WDR47: variants seen among roughly 807,000 people sequenced by gnomAD.
WDR47 encodes the protein WD repeat domain 47, also known as WD repeat-containing protein 47.
Under a neutral mutation model 97.2 loss-of-function variants are expected in WDR47, and 32 were observed. The ratio of observed to expected loss-of-function variants is 0.33; its 90% CI spans 0.25 to 0.44. The LOEUF is 0.44. Among genes scored for constraint, WDR47 ranks in the 20% least tolerant of loss-of-function variants. The probability of loss-of-function intolerance (pLI) is 1.00; values close to 1 mark genes in which losing one functional copy is unlikely to be tolerated. For missense variants in WDR47, 782 were observed against 1,102.3 expected (o/e 0.71, Z 4.11); for synonymous variants, 375 against 373.5 (o/e 1.00, Z -0.05).
chr1:108,986,985 A>G, intron 9 of WDR47: 1 of 236,364 alleles, frequency 4.2e-6, no homozygotes, highest in Admixed American at 4.8e-5. Context: ...TTACTCTGGG[A>G]CACCAGGTAA....
chr1:108,974,854 G>T, intron 13 of WDR47, 100 bp from the exon 14 acceptor site: 1 of 900,328 alleles, frequency 1.1e-6, no homozygotes, highest in Non-Finnish European at 1.7e-6. Flanking sequence ...AAGATTTAAT[G>T]TAGTTTATCA....
intron 7 of WDR47, among the ~76,000 whole-genome samples, chr1:109,000,041 C>A (rs966962534): frequency 6.6e-6 from 1 of 152,130 alleles, no homozygotes; most frequent in Non-Finnish European, 1.5e-5. Context: ...CTTGAGACCA[C>A]CAGTTTAAAC....
At chr1:108,993,184 G>C (rs1407189940) in intron 8 of WDR47, among the ~76,000 whole-genome samples, 1 of 152,094 alleles carries the variant, frequency 6.6e-6, no homozygotes, top group Non-Finnish European at 1.5e-5. Context: ...AATTAGTTGG[G>C]TGTGGTGGTA....
intron 3 of WDR47, among the ~76,000 whole-genome samples, chr1:109,015,418 G>A (rs1661343701): frequency 6.6e-6 from 1 of 152,024 alleles, no homozygotes; most frequent in African/African-American, 2.4e-5. Flanking sequence ...CTGCCTCCCA[G>A]TTTCAAGTGA....
At position 109,011,055 on chromosome 1, in the gene WDR47, T is replaced by G. The variant is rs750759286; in HGVS notation, c.991A>C (p.Ile331Leu). The stretch of plus-strand genomic sequence containing the variant: ...GAAGTTTTGTTTCCAAGGTCTGAAA[T>G]TCTCTTATCATGACTGGTTAGTCCA... ...TCGLTSHDKR[I>L]SDLGNKTSPM... is the part of the protein sequence containing the mutation. Residue 331 changes from isoleucine (I) to leucine (L), a missense_variant, in exon 5 of 15, where the codon ATT (isoleucine) becomes CTT (leucine). Physicochemically the swap from Ile to Leu is conservative, Grantham distance 5. This residue lies in a region of WDR47 where 428 missense variants were observed against 584.3 expected (regional missense o/e 0.73). Transcript: ENST00000369962. 1.2e-6 allele frequency: 2 copies of G among 1,613,966 alleles called. No individual in the cohort carries two copies. The highest frequency in any genetic ancestry group is 2.7e-5 in the African/African-American group (2 of 74,880).
At position 108,983,275 on chromosome 1, in the gene WDR47, G is replaced by T. The variant is rs1363115620; in HGVS notation, c.2095+7C>A. 6.2e-7 allele frequency: 1 copy of T among 1,600,444 alleles called. No homozygotes were observed. Among genetic ancestry groups the T allele is most frequent in the Admixed American group, 1.7e-5 (1 of 58,198 alleles). On this transcript the variant is annotated splice_region_variant and intron_variant, in intron 11 of 14. Coordinates refer to ENST00000369962, the MANE Select transcript of WDR47 (RefSeq NM_001142551.2). ...AGCTAGCTACTGCTTACATACTTGG[G>T]CCCTACCTGTTGCGTTACAAGTCTC...
At chr1:109,034,491 C>G (rs1164812377) in intron 1 of WDR47, among the ~76,000 whole-genome samples, 1 of 152,166 alleles carries the variant, frequency 6.6e-6, no homozygotes, top group African/African-American at 2.4e-5. Flanking sequence ...CCCCAACCCC[C>G]AGGACACAGA....
At chr1:108,993,107 T>C (rs1217728947) in intron 8 of WDR47, among the ~76,000 whole-genome samples, 1 of 151,994 alleles carries the variant, frequency 6.6e-6, no homozygotes, top group Non-Finnish European at 1.5e-5. Flanking sequence ...ACCCAAAGAA[T>C]GAGGAATCAA....
intron 1 of WDR47, among the ~76,000 whole-genome samples, chr1:109,039,153 T>C (rs1031860737): frequency 1.3e-5 from 2 of 152,176 alleles, no homozygotes; most frequent in African/African-American, 4.8e-5. Flanking sequence ...TACTATGTAT[T>C]AACAACATGC....
chr1:109,037,053 G>C (rs1213126423), intron 1 of WDR47, among the ~76,000 whole-genome samples: 2 of 152,178 alleles, frequency 1.3e-5, no homozygotes, highest in East Asian at 3.9e-4. Flanking sequence ...AAAATCGCCA[G>C]GTGCGGTGGC....
At chr1:108,997,905 T>A (rs1314810507) in intron 7 of WDR47, among the ~76,000 whole-genome samples, 5 of 151,978 alleles carry the variant, frequency 3.3e-5, no homozygotes, top group African/African-American at 1.2e-4. Context: ...ACACAGGGAG[T>A]ACAATTATTG....
chr1:109,012,023 T>C (rs986197213), intron 4 of WDR47, among the ~76,000 whole-genome samples: 4 of 152,196 alleles, frequency 2.6e-5, no homozygotes, highest in Non-Finnish European at 4.4e-5. Context: ...CACACAAATA[T>C]AGTGCACTAC....
intron 4 of WDR47, 36 bp from the exon 5 acceptor site, chr1:109,011,754 TA>T: frequency 1.3e-6 from 2 of 1,522,436 alleles, no homozygotes; most frequent in East Asian, 2.3e-5. Context: ...ATAATCACTA[TA>T]AAAAACATGC....
chr1:109,037,049 G>A (rs998676206), intron 1 of WDR47, among the ~76,000 whole-genome samples: 1 of 151,938 alleles, frequency 6.6e-6, no homozygotes, highest in Admixed American at 6.6e-5. Flanking sequence ...AAAGAAAATC[G>A]CCAGGTGCGG....
intron 2 of WDR47, among the ~76,000 whole-genome samples, chr1:109,023,043 A>G (rs927108516): frequency 2.0e-5 from 3 of 151,476 alleles, no homozygotes; most frequent in Admixed American, 2.0e-4. Context: ...TCTCTACTAA[A>G]AATACAAAAA....
intron 13 of WDR47, among the ~76,000 whole-genome samples, chr1:108,976,857 GA>G (rs772875710): frequency 2.6e-5 from 4 of 152,138 alleles, no homozygotes; most frequent in Admixed American, 6.5e-5. Flanking sequence ...GAATTGAAAA[GA>G]AAAAAGTAAG....
At chr1:109,035,430 C>T (rs534075232) in intron 1 of WDR47, among the ~76,000 whole-genome samples, 6 of 151,978 alleles carry the variant, frequency 3.9e-5, no homozygotes, top group Non-Finnish European at 8.8e-5. Flanking sequence ...GAAGAGTTAA[C>T]AACCAATATA....
intron 7 of WDR47, among the ~76,000 whole-genome samples, chr1:108,996,670 G>A (rs978069955): frequency 2.0e-5 from 3 of 152,186 alleles, no homozygotes; most frequent in Admixed American, 6.5e-5. Flanking sequence ...GCCAGTCTCT[G>A]ATCTAGACAA....
intron 13 of WDR47, among the ~76,000 whole-genome samples, chr1:108,979,935 A>G (rs945986454): frequency 5.3e-5 from 8 of 152,220 alleles, no homozygotes; most frequent in African/African-American, 1.9e-4. Flanking sequence ...GAGGTGAGTG[A>G]CAAATGAGTG....
Sources: gnomAD v4.1 joint callset for allele counts (sites outside exome capture counted in the v4.1 genomes callset) on GRCh38, gnomAD v4.1.1 for gene constraint, gnomAD v4.1.1 regional missense constraint, MANE v1.5 for transcripts, NCBI Gene and HGNC (gene_info 2026-07-23, HGNC 2026-07-21) for gene names.